The following TBC1D22A variants were observed in gnomAD, a reference collection of about 807,000 sequenced individuals.
TBC1D22A encodes TBC1 domain family member 22A.
In TBC1D22A, 38 loss-of-function variants were observed where a neutral mutation model predicts 60.2. That is an observed-to-expected ratio of 0.63 (90% CI 0.49 to 0.83). TBC1D22A has a LOEUF of 0.83. Among genes scored for constraint, TBC1D22A ranks in the 40% least tolerant of loss-of-function variants. TBC1D22A has a pLI of 0.00. For synonymous variants in TBC1D22A, 302 were observed against 281.7 expected, an observed-to-expected ratio of 1.07 and a Z score of -0.72; for missense variants, 628 against 701.0, an observed-to-expected ratio of 0.90 and a Z score of 1.18.
chr22:47,172,326 G>A (rs77691595), intron 12 of TBC1D22A, among the ~76,000 whole-genome samples: 3,879 of 152,300 alleles, frequency 0.025, 128 homozygotes, highest in African/African-American at 0.089. Flanking sequence ...AGCCCTGACA[G>A]TAATTTACTA....
chr22:47,128,888 C>T (rs541640915), intron 12 of TBC1D22A, among the ~76,000 whole-genome samples: 2 of 152,352 alleles, frequency 1.3e-5, no homozygotes, highest in Admixed American at 6.5e-5. Flanking sequence ...TGGCAATATG[C>T]ATGAGGCAGG....
intron 11 of TBC1D22A, among the ~76,000 whole-genome samples, chr22:47,050,961 G>A (rs1197250694): frequency 1.3e-5 from 2 of 152,156 alleles, no homozygotes; most frequent in Admixed American, 1.3e-4. Flanking sequence ...GGGGTGGCGG[G>A]GGCAGTCGCG....
In TBC1D22A at chr22:46,793,738, G is replaced by A. The variant is rs1243119575; in HGVS notation, c.357G>A (p.Gly119=). ...GGCCCACGCTGCAGGAGGGGCCAGG[G>A]CTTCAGCAGAAGCCCAGGCCCGAGG... The part of the protein sequence containing the change: ...QGRPTLQEGP[G]LQQKPRPEAE... Residue 119 remains glycine, a synonymous_variant, in exon 3 of 13, where the codon GGG becomes GGA. Transcript: ENST00000337137. The A allele has an allele frequency of 6.2e-7, 1 of 1,606,684 alleles. No individual in the cohort carries two copies. Among genetic ancestry groups the A allele is most frequent in the Non-Finnish European group, 8.5e-7 (1 of 1,178,024 alleles).
At chr22:47,140,061 G>T (rs1384968037) in intron 12 of TBC1D22A, among the ~76,000 whole-genome samples, 1 of 152,196 alleles carries the variant, frequency 6.6e-6, no homozygotes. Flanking sequence ...TAGGAGCACT[G>T]GTGACACCCA....
At chr22:46,794,965 G>T (rs2084589524) in intron 3 of TBC1D22A, among the ~76,000 whole-genome samples, 1 of 152,200 alleles carries the variant, frequency 6.6e-6, no homozygotes, top group Non-Finnish European at 1.5e-5. Context: ...TTACCCTGGA[G>T]AACTAGGTTT....
intron 8 of TBC1D22A, among the ~76,000 whole-genome samples, chr22:46,954,582 C>T (rs2073091576): frequency 6.6e-6 from 1 of 152,182 alleles, no homozygotes; most frequent in Admixed American, 6.5e-5. Context: ...GTCTGTGGCT[C>T]CATGCTCTGG....
At chr22:47,168,338 C>T (rs1178755429) in intron 12 of TBC1D22A, among the ~76,000 whole-genome samples, 2 of 140,560 alleles carry the variant, frequency 1.4e-5, no homozygotes, top group Admixed American at 1.4e-4. Context: ...GCTGTGGGCT[C>T]GGTTTTGGGG....
At chr22:46,902,907 T>C (rs2147700131) in intron 7 of TBC1D22A, among the ~76,000 whole-genome samples, 1 of 150,368 alleles carries the variant, frequency 6.7e-6, no homozygotes, top group South Asian at 2.1e-4. Flanking sequence ...TATACAGTTG[T>C]CAATGAAACC....
chr22:46,818,779 A>G (rs1003559858), intron 4 of TBC1D22A, among the ~76,000 whole-genome samples: 5 of 152,182 alleles, frequency 3.3e-5, no homozygotes, highest in East Asian at 1.9e-4. Context: ...AAGAATGTCA[A>G]TGGTAGTTTG....
intron 4 of TBC1D22A, among the ~76,000 whole-genome samples, chr22:46,876,097 G>A (rs1047970117): frequency 5.9e-5 from 9 of 152,212 alleles, no homozygotes; most frequent in African/African-American, 4.8e-5. Flanking sequence ...AAGTGGCGAC[G>A]TCACAGAAAC....
chr22:46,780,664 A>G (rs1322938820), intron 1 of TBC1D22A, among the ~76,000 whole-genome samples: 1 of 152,208 alleles, frequency 6.6e-6, no homozygotes, highest in Non-Finnish European at 1.5e-5. Flanking sequence ...CTCATGGATT[A>G]GCTGCCTTCA....
At chr22:47,042,340 G>T (rs1053962174) in intron 11 of TBC1D22A, among the ~76,000 whole-genome samples, 1 of 152,206 alleles carries the variant, frequency 6.6e-6, no homozygotes, top group Non-Finnish European at 1.5e-5. Context: ...CCATCAGTGC[G>T]CTGTGGCAGT....
chr22:46,793,641 A>T lies in TBC1D22A; in HGVS notation c.260A>T (p.Glu87Val). Residue 87 changes from glutamate (E) to valine (V), a missense_variant, in exon 3 of 13, where the codon GAG becomes GTG. Transcript: ENST00000337137. ...DDDELLAMAA[E>V]SLNSEVVMET... is the part of the protein sequence containing the mutation. ...GATGAGCTCCTGGCCATGGCGGCGG[A>T]GAGCCTGAACTCCGAGGTGGTCATG... 6.2e-7 allele frequency: 1 copy of T among 1,613,730 alleles called. No homozygotes were observed. Among genetic ancestry groups the T allele is most frequent in the Non-Finnish European group, 8.5e-7 (1 of 1,180,028 alleles).
At chr22:46,891,469 TATCAAA>T (rs2068404958) in intron 6 of TBC1D22A, 75 bp downstream of exon 6, 1 of 1,477,912 alleles carries the variant, frequency 6.8e-7, no homozygotes, top group Admixed American at 2.4e-5. Context: ...GGAAATGTTT[TATCAAA>T]ACCATGTGGA....
intron 8 of TBC1D22A, among the ~76,000 whole-genome samples, chr22:46,972,693 G>T (rs2074118323): frequency 6.6e-6 from 1 of 152,202 alleles, no homozygotes; most frequent in South Asian, 2.1e-4. Flanking sequence ...GTGATGCAAA[G>T]GCTCTGGAAC....
chr22:46,824,483 G>A (rs1377864041), intron 4 of TBC1D22A, among the ~76,000 whole-genome samples: 2 of 152,182 alleles, frequency 1.3e-5, no homozygotes, highest in Non-Finnish European at 1.5e-5. Flanking sequence ...GGAGGCGAGC[G>A]AGGAGGGAGG....
chr22:46,904,142 T>TCTATCTATCTGCCTACCTACCTACCTAC lies in TBC1D22A; in HGVS notation c.901-7929_901-7928insTCTATCTGCCTACCTACCTACCTACCTA, dbSNP rs57116517. Among the ~76,000 whole-genome samples the TCTATCTATCTGCCTACCTACCTACCTAC allele has an allele frequency of 3.2e-3, 435 of 134,556 alleles. 4 individuals are homozygous for TCTATCTATCTGCCTACCTACCTACCTAC. Among genetic ancestry groups the TCTATCTATCTGCCTACCTACCTACCTAC allele is most frequent in the African/African-American group, 0.012 (392 of 33,862 alleles). 88.3% of individuals were successfully genotyped at this position (134,556 alleles called of 152,430 possible). On this transcript the variant is annotated intron_variant, in intron 7 of 12. Transcript: ENST00000337137. ...ATCTATCTATCTATCTATCTATCTA[T>TCTATCTATCTGCCTACCTACCTACCTAC]CTACCTACCTACCTACCTACCTACC...
intron 10 of TBC1D22A, among the ~76,000 whole-genome samples, chr22:46,998,961 G>A (rs1164705562): frequency 6.6e-6 from 1 of 152,246 alleles, no homozygotes; most frequent in Non-Finnish European, 1.5e-5. Flanking sequence ...GCATTCCCCA[G>A]CCTCACTGAG....
intron 6 of TBC1D22A, 55 bp from the exon 7 acceptor site, chr22:46,894,729 C>T (rs5767383): frequency 8.8e-6 from 14 of 1,599,026 alleles, no homozygotes; most frequent in African/African-American, 2.7e-5. Flanking sequence ...TCATATCGCT[C>T]GTAATGATGT....
Sources: allele counts gnomAD v4.1 joint callset (sites outside exome capture counted in the v4.1 genomes callset), GRCh38; gene constraint gnomAD v4.1.1; transcripts MANE v1.5; gene names NCBI Gene and HGNC (gene_info 2026-07-23, HGNC 2026-07-21).